The following SGCZ variants were observed in gnomAD, a reference collection of about 807,000 sequenced individuals.
The protein encoded by SGCZ is zeta-sarcoglycan.
A neutral mutation model predicts 41.3 loss-of-function variants in SGCZ; 40 were observed. The ratio of observed to expected loss-of-function variants is 0.97; its 90% CI spans 0.75 to 1.26. The LOEUF (loss-of-function observed/expected upper bound fraction) is 1.26, where lower values mean the gene tolerates loss of function less well. Among genes scored for constraint, SGCZ ranks in the 50% most tolerant of loss-of-function variants. The probability of loss-of-function intolerance (pLI) is 0.00; values close to 1 mark genes in which losing one functional copy is unlikely to be tolerated. For synonymous variants in SGCZ, 206 were observed against 137.5 expected (o/e 1.50, Z -3.49); for missense variants, 552 against 369.8 (o/e 1.49, Z -4.04).
At chr8:14,660,775 A>G (rs988543717) in intron 1 of SGCZ, among the ~76,000 whole-genome samples, 2 of 152,024 alleles carry the variant, frequency 1.3e-5, no homozygotes, top group Non-Finnish European at 1.5e-5. Context: ...AATAAAGAAG[A>G]AACTGGAGAG....
At chr8:14,682,090 C>T (rs185850083) in intron 1 of SGCZ, among the ~76,000 whole-genome samples, 3 of 152,106 alleles carry the variant, frequency 2.0e-5, no homozygotes, top group South Asian at 2.1e-4. Context: ...GATTTCACAG[C>T]CCTGGGGCAT....
chr8:14,782,247 ATTAT>A (rs1284097200), intron 1 of SGCZ, among the ~76,000 whole-genome samples: 1 of 152,236 alleles, frequency 6.6e-6, no homozygotes, highest in Non-Finnish European at 1.5e-5. Context: ...ATATGCTGAG[ATTAT>A]TTGAGTAAAA....
At chr8:14,620,275 T>C (rs576177740) in intron 1 of SGCZ, among the ~76,000 whole-genome samples, 6 of 152,028 alleles carry the variant, frequency 3.9e-5, no homozygotes, top group African/African-American at 1.2e-4. Flanking sequence ...TTACACCTTA[T>C]ACAAAAATTA....
At chr8:14,464,218 G>T (rs1008842934) in intron 2 of SGCZ, among the ~76,000 whole-genome samples, 1 of 151,586 alleles carries the variant, frequency 6.6e-6, no homozygotes, top group South Asian at 2.1e-4. Context: ...ATTTTGGGTA[G>T]AATCCACTGG....
chr8:14,719,647 GTCT>G (rs1448801636), intron 1 of SGCZ, among the ~76,000 whole-genome samples: 1 of 151,164 alleles, frequency 6.6e-6, no homozygotes, highest in African/African-American at 2.5e-5. Flanking sequence ...CTGCATAAAT[GTCT>G]TCTTTTGAGA....
chr8:14,492,725 G>A (rs149487528), intron 2 of SGCZ, among the ~76,000 whole-genome samples: 221 of 152,248 alleles, frequency 1.5e-3, no homozygotes, highest in African/African-American at 5.0e-3. Flanking sequence ...TTACTTCAGT[G>A]AATTTGGAAA....
intron 2 of SGCZ, among the ~76,000 whole-genome samples, chr8:14,371,006 G>A (rs1184940845): frequency 2.0e-5 from 3 of 151,820 alleles, no homozygotes; most frequent in Admixed American, 6.6e-5. Context: ...ACACACAAAT[G>A]AATAAGTTAG....
chr8:14,243,360 G>T (rs990089155), intron 3 of SGCZ, among the ~76,000 whole-genome samples: 1 of 152,116 alleles, frequency 6.6e-6, no homozygotes, highest in African/African-American at 2.4e-5. Context: ...CTTCTTGAAT[G>T]CATCTTTTCC....
chr8:14,744,906 T>G (rs34944844), intron 1 of SGCZ, among the ~76,000 whole-genome samples: 7 of 152,190 alleles, frequency 4.6e-5, no homozygotes, highest in Non-Finnish European at 7.4e-5. Flanking sequence ...CTTTTTATCA[T>G]ACTGAATTAA....
intron 2 of SGCZ, among the ~76,000 whole-genome samples, chr8:14,459,489 G>C (rs183544039): frequency 6.6e-6 from 1 of 152,168 alleles, no homozygotes; most frequent in African/African-American, 2.4e-5. Flanking sequence ...AGGGAGATAC[G>C]AAAATCAAGT....
intron 1 of SGCZ, among the ~76,000 whole-genome samples, chr8:14,974,092 T>G (rs1447152089): frequency 1.3e-5 from 2 of 152,220 alleles, no homozygotes; most frequent in Non-Finnish European, 2.9e-5. Flanking sequence ...GCAAATCTTT[T>G]TACTTGTTGA....
At chr8:14,648,963 C>G (rs993290249) in intron 1 of SGCZ, among the ~76,000 whole-genome samples, 1 of 151,938 alleles carries the variant, frequency 6.6e-6, no homozygotes, top group African/African-American at 2.4e-5. Flanking sequence ...TCTTCTATCT[C>G]CTCCCTCATT....
intron 1 of SGCZ, among the ~76,000 whole-genome samples, chr8:14,888,920 T>C (rs1804908767): frequency 6.6e-6 from 1 of 152,190 alleles, no homozygotes; most frequent in Non-Finnish European, 1.5e-5. Context: ...AATTGTACTC[T>C]TTCATAAAAC....
In SGCZ at chr8:14,570,141, G is replaced by A. The variant is rs1431302494; in HGVS notation, c.40-15215C>T. On this transcript the variant is annotated intron_variant, in intron 1 of 7. Coordinates refer to ENST00000382080, the MANE Select transcript of SGCZ (RefSeq NM_139167.4). ...TTAGAATATAAGCCATATGAAGACC[G>A]GGACTTTGGGGTTGTTTACACATGT... Among the ~76,000 whole-genome samples, 8 of 152,056 alleles carry A rather than the reference G, an allele frequency of 5.3e-5. No individual in the cohort carries two copies. In the East Asian group the frequency reaches 1.5e-3, roughly 29 times the overall value.
chr8:14,403,064 G>T (rs1161629002), intron 2 of SGCZ, among the ~76,000 whole-genome samples: 1 of 148,762 alleles, frequency 6.7e-6, no homozygotes, highest in Non-Finnish European at 1.5e-5. Flanking sequence ...GTGAATGGGA[G>T]TTCACTCATG....
chr8:14,731,103 C>G (rs939848958), intron 1 of SGCZ, among the ~76,000 whole-genome samples: 5 of 151,802 alleles, frequency 3.3e-5, no homozygotes, highest in African/African-American at 1.2e-4. Flanking sequence ...TATTGTGGCA[C>G]TGTTCATAAT....
chr8:15,078,962 A>G (rs965938468), intron 1 of SGCZ, among the ~76,000 whole-genome samples: 5 of 152,096 alleles, frequency 3.3e-5, no homozygotes, highest in Non-Finnish European at 7.4e-5. Flanking sequence ...TAATGTTTAT[A>G]TTAAGTATCC....
chr8:14,712,683 G>A (rs925190492), intron 1 of SGCZ, among the ~76,000 whole-genome samples: 20 of 152,074 alleles, frequency 1.3e-4, no homozygotes, highest in African/African-American at 4.1e-4. Context: ...GACAGTGCAC[G>A]GCCATAAAAC....
chr8:14,538,591 C>A (rs767138167), intron 2 of SGCZ, among the ~76,000 whole-genome samples: 19 of 151,846 alleles, frequency 1.3e-4, no homozygotes, highest in Non-Finnish European at 2.4e-4. Flanking sequence ...AGTGTCAGAG[C>A]AAATGTTAGA....
Sources: gnomAD v4.1 joint callset for allele counts (sites outside exome capture counted in the v4.1 genomes callset) on GRCh38, gnomAD v4.1.1 for gene constraint, MANE v1.5 for transcripts, NCBI Gene and HGNC (gene_info 2026-07-23, HGNC 2026-07-21) for gene names.